CDS1: variants seen among roughly 807,000 people sequenced by gnomAD.
CDS1 encodes the protein CDP-diacylglycerol synthase 1.
Under a neutral mutation model 62.1 loss-of-function variants are expected in CDS1, and 41 were observed. The observed-to-expected ratio is 0.66, with a 90% CI of 0.51 to 0.86. The LOEUF (loss-of-function observed/expected upper bound fraction) is 0.86. CDS1 is among the 40% of genes least tolerant of loss of function. The probability of loss-of-function intolerance (pLI) is 0.00; values close to 1 mark genes in which losing one functional copy is unlikely to be tolerated. For missense variants in CDS1, 470 were observed against 550.1 expected (o/e 0.85, Z 1.46); for synonymous variants, 185 against 192.6 (o/e 0.96, Z 0.32).
At chr4:84,628,683 C>A (rs887221356) in intron 5 of CDS1, among the ~76,000 whole-genome samples, 3 of 152,120 alleles carry the variant, frequency 2.0e-5, no homozygotes, top group African/African-American at 7.2e-5. Context: ...CAGGTGTGTG[C>A]TGTCCTGCTC....
Position 84,640,913 on chromosome 4 carries a change from A to G in CDS1, c.955A>G (p.Thr319Ala). ...CCGAAGTGATGTAAACTCCTTCGTG[A>G]CAGAATGTGAGCCCTCAGAACTTTT... ...EYRSDVNSFV[T>A]ECEPSELFQL... is the part of the protein sequence containing the mutation. Residue 319 changes from threonine to alanine, a missense_variant, in exon 10 of 13, where the codon ACA becomes GCA. Around this residue, in one of 5 missense-constraint regions of CDS1, gnomAD observed 214 missense variants for 242.4 expected, o/e 0.88. Transcript: ENST00000295887. The G allele has an allele frequency of 6.2e-7, 1 of 1,612,178 alleles. No homozygotes were observed.
At chr4:84,616,721 A>G (rs1227633335) in intron 3 of CDS1, among the ~76,000 whole-genome samples, 1 of 152,178 alleles carries the variant, frequency 6.6e-6, no homozygotes, top group Non-Finnish European at 1.5e-5. Flanking sequence ...TCAACTTGCC[A>G]TTTGCTCTTT....
In CDS1 at chr4:84,606,466, A is replaced by G. The variant is rs574294429; in HGVS notation, c.245+2096A>G. ...AGGATCCTAAATATATTTCAGAAACATTTTTAATGTCTGTATATTTTGCTG... is the reference window on the plus strand; with the variant it reads ...AGGATCCTAAATATATTTCAGAAACGTTTTTAATGTCTGTATATTTTGCTG... On this transcript the variant is annotated intron_variant, in intron 2 of 12. Transcript: ENST00000295887. 1.6e-3 allele frequency among the ~76,000 whole-genome samples: 243 copies of G among 152,278 alleles called. 2 individuals are homozygous for G. The highest frequency in any genetic ancestry group is 2.9e-3 in the Non-Finnish European group (195 of 68,028).
rs376264372 is a variant in CDS1, at chr4:84,617,731, T to G, written c.440+70T>G. On this transcript the variant is annotated intron_variant, in intron 4 of 12. Transcript: ENST00000295887. ...GAAGTTTGTAAAGGAAGCGTCTTGATCAGTCAGTATCCACTCAATTTACCC... is the reference window on the plus strand; with the variant it reads ...GAAGTTTGTAAAGGAAGCGTCTTGAGCAGTCAGTATCCACTCAATTTACCC... 4.6e-5 allele frequency: 32 copies of G among 696,876 alleles called. No homozygotes were observed. In the East Asian group the frequency reaches 7.5e-4, roughly 16 times the overall value. The allele number at this position is 696,876 out of a possible 1,614,324, so 43.2% of individuals were successfully genotyped here.
chr4:84,637,482 C>T (rs899015363), intron 8 of CDS1, among the ~76,000 whole-genome samples: 8 of 152,186 alleles, frequency 5.3e-5, no homozygotes, highest in African/African-American at 1.9e-4. Context: ...ACAGACTTTT[C>T]AACAACCAGA....
intron 8 of CDS1, among the ~76,000 whole-genome samples, chr4:84,638,606 T>C (rs944667188): frequency 1.3e-5 from 2 of 152,154 alleles, no homozygotes; most frequent in Non-Finnish European, 2.9e-5. Flanking sequence ...ATAAGAGTCA[T>C]GGGACAGTTA....
At chr4:84,605,523 G>A (rs1363426882) in intron 2 of CDS1, among the ~76,000 whole-genome samples, 2 of 151,540 alleles carry the variant, frequency 1.3e-5, no homozygotes, top group Non-Finnish European at 1.5e-5. Flanking sequence ...TTAACCAATA[G>A]AACATATCTT....
intron 1 of CDS1, among the ~76,000 whole-genome samples, chr4:84,589,167 C>T (rs763198491): frequency 3.3e-5 from 5 of 152,094 alleles, no homozygotes; most frequent in Non-Finnish European, 7.4e-5. Flanking sequence ...CCGACTTTCC[C>T]GTAAGGTTTG....
In CDS1 at chr4:84,605,700, C is replaced by T. The variant is rs139818713; in HGVS notation, c.245+1330C>T. ...AGAATGATGCCAGATTTGTGTGTGT[C>T]ATTCATAATAAGATCTTCCTTAATC... On this transcript the variant is annotated intron_variant, in intron 2 of 12. Transcript: ENST00000295887. Among the ~76,000 whole-genome samples, 499 of 152,216 alleles carry T rather than the reference C, an allele frequency of 3.3e-3. 1 individual carries two copies. Among genetic ancestry groups the T allele is most frequent in the South Asian group, 7.3e-3 (35 of 4,816 alleles).
chr4:84,584,060 C>T (rs1028206670), intron 1 of CDS1, among the ~76,000 whole-genome samples: 1 of 152,198 alleles, frequency 6.6e-6, no homozygotes, highest in African/African-American at 2.4e-5. Flanking sequence ...GAGTATCATG[C>T]ACGTGACATA....
In CDS1 at chr4:84,645,210, T is replaced by C. The variant is rs779297580; in HGVS notation, c.1153-12T>C. ...TTTGAAAATTTGCTAATATATTTGTTTGTTTCTAAAGGATTTTGCAAATAC... is the reference window on the plus strand; with the variant it reads ...TTTGAAAATTTGCTAATATATTTGTCTGTTTCTAAAGGATTTTGCAAATAC... On this transcript the variant is annotated splice_polypyrimidine_tract_variant and intron_variant, in intron 11 of 12. Coordinates refer to ENST00000295887, the MANE Select transcript of CDS1 (RefSeq NM_001263.4). The C allele has an allele frequency of 4.0e-5, 63 of 1,561,990 alleles. No homozygotes were observed. The highest frequency in any genetic ancestry group is 5.6e-5 in the Non-Finnish European group (63 of 1,133,800).
intron 1 of CDS1, among the ~76,000 whole-genome samples, chr4:84,601,537 A>G (rs946297948): frequency 3.9e-5 from 6 of 152,172 alleles, no homozygotes; most frequent in Non-Finnish European, 7.3e-5. Flanking sequence ...CACAGGCCCA[A>G]GATAGAAAGT....
In CDS1 at chr4:84,649,218, AAAG is replaced by A. The variant is rs1724641728; in HGVS notation, c.*536_*538del. The A allele has an allele frequency of 6.6e-6, 1 of 152,178 alleles. No individual in the cohort carries two copies. Among genetic ancestry groups the A allele is most frequent in the African/African-American group, 2.4e-5 (1 of 41,438 alleles). The allele number at this position is 152,178 out of a possible 1,614,324, so 9.4% of individuals were successfully genotyped here. On this transcript the variant is annotated 3_prime_UTR_variant, in exon 13 of 13. Transcript: ENST00000295887. Reference sequence around the variant, plus strand: ...AAAAAAAAAAGATTGTCTACTTTTCAAAGAAGTAACCATTTGCCAGGGGAAAAC... The same window carrying A: ...AAAAAAAAAAGATTGTCTACTTTTCAAAGTAACCATTTGCCAGGGGAAAAC...
At chr4:84,600,066 C>T (rs1362945694) in intron 1 of CDS1, among the ~76,000 whole-genome samples, 2 of 152,182 alleles carry the variant, frequency 1.3e-5, no homozygotes, top group African/African-American at 2.4e-5. Context: ...TTTAAAATTT[C>T]ACCCATTCTG....
At chr4:84,636,823 C>A (rs147986284) in intron 8 of CDS1, among the ~76,000 whole-genome samples, 109 of 152,304 alleles carry the variant, frequency 7.2e-4, no homozygotes, top group African/African-American at 2.5e-3. Flanking sequence ...CCACACCCGG[C>A]CTAAAAGAGC....
At chr4:84,643,656 GC>G (rs958545495) in intron 11 of CDS1, among the ~76,000 whole-genome samples, 1 of 152,166 alleles carries the variant, frequency 6.6e-6, no homozygotes, top group Non-Finnish European at 1.5e-5. Context: ...CAGTGAGAAA[GC>G]CCCCCGTGGA....
chr4:84,595,875 A>G (rs575939666), intron 1 of CDS1, among the ~76,000 whole-genome samples: 1 of 152,358 alleles, frequency 6.6e-6, no homozygotes, highest in South Asian at 2.1e-4. Flanking sequence ...AAATGAAACC[A>G]TACAAAATAG....
At chr4:84,647,037 C>T (rs1454841453) in intron 12 of CDS1, among the ~76,000 whole-genome samples, 5 of 152,046 alleles carry the variant, frequency 3.3e-5, no homozygotes, top group African/African-American at 1.2e-4. Context: ...TACTGCTTGC[C>T]TTAAAGCGTA....
At chr4:84,598,906 CCTTGTT>C (rs1469064381) in intron 1 of CDS1, among the ~76,000 whole-genome samples, 2 of 152,152 alleles carry the variant, frequency 1.3e-5, no homozygotes, top group East Asian at 3.9e-4. Flanking sequence ...AGCCCCTTGT[CCTTGTT>C]CTTGTCCTTT....
Sources: allele counts gnomAD v4.1 joint callset (sites outside exome capture counted in the v4.1 genomes callset), GRCh38; gene constraint gnomAD v4.1.1; regional missense constraint gnomAD v4.1.1; transcripts MANE v1.5; gene names NCBI Gene and HGNC (gene_info 2026-07-23, HGNC 2026-07-21).